The following TCERG1L variants were observed in gnomAD, a reference collection of about 807,000 sequenced individuals.
TCERG1L encodes transcription elongation regulator 1 like.
A neutral mutation model predicts 56.3 loss-of-function variants in TCERG1L; 37 were observed. The ratio of observed to expected loss-of-function variants is 0.66; its 90% confidence interval spans 0.51 to 0.87. TCERG1L has a LOEUF of 0.87. TCERG1L is among the 40% of genes least tolerant of loss of function. The pLI, the probability that TCERG1L is intolerant of heterozygous loss-of-function variation, is 0.00. For missense variants in TCERG1L, 799 were observed against 774.2 expected (o/e 1.03, Z -0.38); for synonymous variants, 324 against 326.3 (o/e 0.99, Z 0.08).
chr10:131,135,025 G>C (rs2133404877), intron 7 of TCERG1L, among the ~76,000 whole-genome samples: 1 of 152,334 alleles, frequency 6.6e-6, no homozygotes, highest in Middle Eastern at 3.4e-3. Flanking sequence ...GAGGCAGTCA[G>C]CCCTGAAAAC....
chr10:131,237,405 C>T (rs959981157), intron 4 of TCERG1L, among the ~76,000 whole-genome samples: 1 of 152,130 alleles, frequency 6.6e-6, no homozygotes, highest in Non-Finnish European at 1.5e-5. Flanking sequence ...GCTGCACCAC[C>T]TCAGAGATTT....
At chr10:131,190,434 C>CTCCTCCG (rs1845291135) in intron 4 of TCERG1L, among the ~76,000 whole-genome samples, 3 of 145,930 alleles carry the variant, frequency 2.1e-5, no homozygotes, top group Non-Finnish European at 3.0e-5. Context: ...AAGCTAGTAT[C>CTCCTCCG]ACCCTTTTAC....
chr10:131,253,045 G>A (rs1846128289), intron 4 of TCERG1L, among the ~76,000 whole-genome samples: 1 of 152,208 alleles, frequency 6.6e-6, no homozygotes, highest in Admixed American at 6.5e-5. Flanking sequence ...TCCCTGCTGG[G>A]CCGGTCACAG....
At chr10:131,137,798 A>C (rs1441265622) in intron 7 of TCERG1L, among the ~76,000 whole-genome samples, 1 of 152,214 alleles carries the variant, frequency 6.6e-6, no homozygotes, top group Non-Finnish European at 1.5e-5. Flanking sequence ...ATATGTATAA[A>C]TTTAACAGAC....
intron 4 of TCERG1L, among the ~76,000 whole-genome samples, chr10:131,198,788 TG>T (rs71009953): frequency 1 from 152,316 of 152,318 alleles, 76,157 homozygotes; most frequent in Middle Eastern, 1. Flanking sequence ...CCCTGGCAGA[TG>T]GGGCCCCGAG....
At chr10:131,157,685 A>C (rs528219050) in intron 6 of TCERG1L, among the ~76,000 whole-genome samples, 2 of 152,144 alleles carry the variant, frequency 1.3e-5, no homozygotes, top group South Asian at 4.2e-4. Context: ...AGAAGATTTA[A>C]AAAAAAAGTA....
At chr10:131,246,931 C>T (rs1006473344) in intron 4 of TCERG1L, among the ~76,000 whole-genome samples, 2 of 152,128 alleles carry the variant, frequency 1.3e-5, no homozygotes, top group Admixed American at 6.5e-5. Flanking sequence ...GCCGGCGCTG[C>T]GGCACAACAG....
chr10:131,111,675 T>TCAAGA lies in TCERG1L; in HGVS notation c.1395+5123_1395+5124insTCTTG, dbSNP rs1845414972. ...ACGATTTCCTCGCACAGCCTGACCT[T>TCAAGA]CCCCTCGTCCACGCCCCGTGGGCAG... On this transcript the variant is annotated intron_variant, in intron 9 of 11. Coordinates refer to ENST00000368642, the MANE Select transcript of TCERG1L (RefSeq NM_174937.4). Among the ~76,000 whole-genome samples, 4 of 142,866 alleles carry TCAAGA rather than the reference T, an allele frequency of 2.8e-5. 1 individual carries two copies. 93.7% of individuals were successfully genotyped at this position (142,866 alleles called of 152,430 possible). A position where few individuals can be genotyped will look rare whatever the true frequency, so the allele number is the denominator to read the frequency against.
intron 3 of TCERG1L, among the ~76,000 whole-genome samples, chr10:131,294,998 C>T (rs780600405): frequency 1.3e-5 from 2 of 152,030 alleles, no homozygotes; most frequent in Non-Finnish European, 2.9e-5. Flanking sequence ...CTTGTCCCAC[C>T]CCCACCTCCT....
intron 3 of TCERG1L, among the ~76,000 whole-genome samples, chr10:131,294,269 C>A (rs983615847): frequency 2.0e-5 from 3 of 152,128 alleles, no homozygotes; most frequent in African/African-American, 7.2e-5. Context: ...CTGAAGCCAC[C>A]TGCTGTGCCA....
chr10:131,134,720 G>T (rs905071329), intron 7 of TCERG1L, among the ~76,000 whole-genome samples: 1 of 152,184 alleles, frequency 6.6e-6, no homozygotes, highest in Non-Finnish European at 1.5e-5. Context: ...GGGCTGGGGG[G>T]TGGAGAATTA....
intron 8 of TCERG1L, among the ~76,000 whole-genome samples, chr10:131,133,799 T>C (rs759170917): frequency 6.6e-6 from 1 of 152,120 alleles, no homozygotes; most frequent in Non-Finnish European, 1.5e-5. Context: ...GCATGGCAAC[T>C]CCCAAAATCA....
rs187835062 is a variant in TCERG1L at position 131,287,900 on chromosome 10, G to A, written c.670+20311C>T. Among the ~76,000 whole-genome samples, 82 of 152,248 alleles carry A rather than the reference G, an allele frequency of 5.4e-4. 1 individual carries two copies. In the East Asian group the frequency reaches 0.011, roughly 21 times the overall value. On this transcript the variant is annotated intron_variant, in intron 3 of 11. Coordinates refer to ENST00000368642, the MANE Select transcript of TCERG1L (RefSeq NM_174937.4). ...GCCATTTTGAACCCGGCAGTCTGTG[G>A]GCAAAGTCTGTGCTCTCAGTAATGA...
At chr10:131,284,227 CT>C (rs1420781330) in intron 3 of TCERG1L, among the ~76,000 whole-genome samples, 1 of 151,336 alleles carries the variant, frequency 6.6e-6, no homozygotes, top group Non-Finnish European at 1.5e-5. Flanking sequence ...CCACAGTTTA[CT>C]TCAGTTACAA....
intron 4 of TCERG1L, among the ~76,000 whole-genome samples, chr10:131,211,723 C>T (rs1430030207): frequency 2.0e-5 from 3 of 152,116 alleles, no homozygotes; most frequent in South Asian, 2.1e-4. Flanking sequence ...AGCGGCTGGG[C>T]GGTGGACTCG....
chr10:131,213,672 C>T (rs1464701077), intron 4 of TCERG1L, among the ~76,000 whole-genome samples: 1 of 152,194 alleles, frequency 6.6e-6, no homozygotes. Flanking sequence ...GCCTCAGGTT[C>T]CAGGCAGGCC....
intron 8 of TCERG1L, among the ~76,000 whole-genome samples, chr10:131,126,252 G>A (rs1845564321): frequency 1.3e-5 from 2 of 152,244 alleles, no homozygotes; most frequent in African/African-American, 4.8e-5. Context: ...TGCACTTGCT[G>A]TCCGTGTAGC....
chr10:131,172,231 G>T (rs1218380545), intron 4 of TCERG1L, among the ~76,000 whole-genome samples: 1 of 152,066 alleles, frequency 6.6e-6, no homozygotes, highest in African/African-American at 2.4e-5. Context: ...GCCCGGGGAG[G>T]AGGGGAACCC....
chr10:131,225,679 C>G (rs968971647), intron 4 of TCERG1L, among the ~76,000 whole-genome samples: 3 of 152,146 alleles, frequency 2.0e-5, no homozygotes, highest in African/African-American at 7.2e-5. Flanking sequence ...CCACATGGAA[C>G]GCAGAATGAG....
Sources: gnomAD v4.1 joint callset for allele counts (sites outside exome capture counted in the v4.1 genomes callset) on GRCh38, gnomAD v4.1.1 for gene constraint, MANE v1.5 for transcripts, NCBI Gene and HGNC (gene_info 2026-07-23, HGNC 2026-07-21) for gene names.